RPS6KA2: variants seen among roughly 807,000 people sequenced by gnomAD.
The protein encoded by RPS6KA2 is ribosomal protein S6 kinase A2.
RPS6KA2 carries 42 observed loss-of-function variants against 91.8 expected under a neutral mutation model. The observed-to-expected ratio is 0.46, with a 90% confidence interval of 0.36 to 0.59. RPS6KA2 has a LOEUF of 0.59. RPS6KA2 is among the 20% of genes least tolerant of loss of function. RPS6KA2 has a pLI of 0.00. For missense variants in RPS6KA2, 798 were observed against 978.5 expected (o/e 0.82, Z 2.46); for synonymous variants, 414 against 393.6 (o/e 1.05, Z -0.61).
chr6:166,450,481 GGACCACCCTGGGA>G (rs1183853827), intron 13 of RPS6KA2, among the ~76,000 whole-genome samples: 1 of 149,186 alleles, frequency 6.7e-6, no homozygotes, highest in African/African-American at 2.5e-5. Context: ...ACCACCCCAG[GGACCACCCTGGGA>G]GACCACCATG....
At chr6:166,644,538 G>A (rs9347140) in intron 2 of RPS6KA2, among the ~76,000 whole-genome samples, 27,624 of 152,036 alleles carry the variant, frequency 0.18, 2,856 homozygotes, top group African/African-American at 0.28. Context: ...TAAACCTCCC[G>A]GTATTCTCAG....
In RPS6KA2 at chr6:166,665,622, C is replaced by A. The variant is rs931768436; in HGVS notation, c.124-126838G>T. On this transcript the variant is annotated intron_variant, in intron 2 of 21. Transcript: ENST00000503859. The surrounding 1 kb of genome is among the most constrained non-coding windows in gnomAD (Gnocchi z 4.5). ...GTTCTCTTCTGAAAGACTCCAGAGC[C>A]AGTGCGACCCTCATTAGAACAAGCA... Among the ~76,000 whole-genome samples the A allele has an allele frequency of 7.2e-5, 11 of 152,176 alleles. No homozygotes were observed. Among genetic ancestry groups the A allele is most frequent in the African/African-American group, 2.4e-4 (10 of 41,440 alleles).
chr6:166,775,853 G>A (rs1046012992), intron 2 of RPS6KA2, among the ~76,000 whole-genome samples: 1 of 152,240 alleles, frequency 6.6e-6, no homozygotes, highest in Admixed American at 6.5e-5. Context: ...GAGACTGAGC[G>A]CAGGCAAAGG....
intron 2 of RPS6KA2, among the ~76,000 whole-genome samples, chr6:166,804,464 C>T (rs965818123): frequency 3.3e-5 from 5 of 151,206 alleles, no homozygotes; most frequent in South Asian, 2.1e-4. Context: ...TTTGAACAAA[C>T]GATCTGTGCA....
At chr6:166,427,030 A>C in intron 16 of RPS6KA2, among the ~76,000 whole-genome samples, 1 of 152,040 alleles carries the variant, frequency 6.6e-6, no homozygotes, top group Admixed American at 6.5e-5. Context: ...ATCCTTGATG[A>C]ACATTGATGC....
chr6:166,469,499 C>A (rs564829528), intron 11 of RPS6KA2, among the ~76,000 whole-genome samples: 2 of 152,080 alleles, frequency 1.3e-5, no homozygotes. Flanking sequence ...GACAGTCACT[C>A]CTGGAGCAAT....
In RPS6KA2 at chr6:166,519,283, C is replaced by T. The variant is rs759487401; in HGVS notation, c.299-8926G>A. The stretch of plus-strand genomic sequence containing the variant: ...CCAGGCCATTTGGCCCAGGCTATAG[C>T]GTCTCTGTGATGTTTATTCTCTGGT... On this transcript the variant is annotated intron_variant, in intron 3 of 20. Transcript: ENST00000265678. Among the ~76,000 whole-genome samples, 9 of 152,176 alleles carry T rather than the reference C, an allele frequency of 5.9e-5. No homozygotes were observed. In the South Asian group the frequency reaches 1.0e-3, roughly 18 times the overall value.
intron 2 of RPS6KA2, among the ~76,000 whole-genome samples, chr6:166,675,012 C>T (rs1788578183): frequency 6.6e-6 from 1 of 152,188 alleles, no homozygotes; most frequent in African/African-American, 2.4e-5. Context: ...AATATTCTGC[C>T]ACCAACACAG....
At chr6:166,860,682 C>T (rs1431561388) in intron 1 of RPS6KA2, among the ~76,000 whole-genome samples, 1 of 152,204 alleles carries the variant, frequency 6.6e-6, no homozygotes, top group African/African-American at 2.4e-5. Context: ...GAGCACCTTA[C>T]AGCTTCAGCA....
chr6:166,565,876 C>T (rs571878913), intron 1 of RPS6KA2, among the ~76,000 whole-genome samples: 52 of 152,328 alleles, frequency 3.4e-4, no homozygotes, highest in African/African-American at 1.2e-3. Context: ...GGAGACACTA[C>T]GCCTAGGAGC....
At chr6:166,676,211 G>T (rs895747678) in intron 2 of RPS6KA2, among the ~76,000 whole-genome samples, 5 of 151,982 alleles carry the variant, frequency 3.3e-5, no homozygotes, top group Non-Finnish European at 4.4e-5. Context: ...CAGCTACTCA[G>T]GAGGCTGAGG....
chr6:166,630,772 A>G (rs1185791232), upstream of RPS6KA2, among the ~76,000 whole-genome samples: 1 of 152,272 alleles, frequency 6.6e-6, no homozygotes, highest in Admixed American at 6.5e-5. Flanking sequence ...CTGAGTGTAC[A>G]GAAAGGAATC....
intron 1 of RPS6KA2, among the ~76,000 whole-genome samples, chr6:166,591,703 T>C (rs1025815369): frequency 2.0e-5 from 3 of 152,132 alleles, no homozygotes; most frequent in African/African-American, 7.2e-5. Context: ...GTCTCGGAAA[T>C]CCACCCTCCA....
intron 2 of RPS6KA2, among the ~76,000 whole-genome samples, chr6:166,697,497 G>C (rs742268): frequency 0.28 from 43,203 of 152,152 alleles, 7,814 homozygotes; most frequent in African/African-American, 0.52. Flanking sequence ...AGCCACTGTC[G>C]TAGACTTCTT....
At chr6:166,588,775 A>G (rs1308520292) in intron 1 of RPS6KA2, among the ~76,000 whole-genome samples, 1 of 152,184 alleles carries the variant, frequency 6.6e-6, no homozygotes, top group Non-Finnish European at 1.5e-5. Context: ...GGGCCCGAAG[A>G]GAGTCCAGCT....
intron 1 of RPS6KA2, among the ~76,000 whole-genome samples, chr6:166,546,895 G>A (rs924997910): frequency 1.3e-5 from 2 of 152,140 alleles, no homozygotes; most frequent in African/African-American, 2.4e-5. Flanking sequence ...TCCCAAGAGT[G>A]CCCAGCTGTT....
chr6:166,651,609 A>T (rs1333880028), intron 2 of RPS6KA2, among the ~76,000 whole-genome samples: 1 of 152,246 alleles, frequency 6.6e-6, no homozygotes, highest in Admixed American at 6.5e-5. Flanking sequence ...TGTCACTTTG[A>T]AGTGTTAGTG....
chr6:166,613,603 C>T (rs1441649846), intron 1 of RPS6KA2, among the ~76,000 whole-genome samples: 1 of 152,198 alleles, frequency 6.6e-6, no homozygotes, highest in Non-Finnish European at 1.5e-5. Context: ...CAAGGCCTGT[C>T]CACCCTGGTG....
chr6:166,634,532 T>C (rs981579704), intron 2 of RPS6KA2, among the ~76,000 whole-genome samples: 3 of 152,236 alleles, frequency 2.0e-5, no homozygotes, highest in African/African-American at 7.2e-5. Context: ...ACTGTCAGGT[T>C]TTATTCCAAC....
Sources: allele counts gnomAD v4.1 joint callset (sites outside exome capture counted in the v4.1 genomes callset), GRCh38; gene constraint gnomAD v4.1.1; non-coding constraint Gnocchi (gnomAD v3.1); transcripts MANE v1.5; gene names NCBI Gene and HGNC (gene_info 2026-07-23, HGNC 2026-07-21).